Variants in SRGAP3 observed in about 807,000 individuals in gnomAD.
The protein encoded by SRGAP3 is SLIT-ROBO Rho GTPase-activating protein 3.
Under a neutral mutation model 121.1 loss-of-function variants are expected in SRGAP3, and 39 were observed. The ratio of observed to expected loss-of-function variants is 0.32; its 90% CI spans 0.25 to 0.42. The LOEUF is 0.42. SRGAP3 is among the 10% of genes least tolerant of loss of function. The pLI, the probability that SRGAP3 is intolerant of heterozygous loss-of-function variation, is 1.00. For missense variants in SRGAP3, 1,213 were observed against 1,470.6 expected, an observed-to-expected ratio of 0.82 and a Z score of 2.86; for synonymous variants, 601 against 570.0, an observed-to-expected ratio of 1.05 and a Z score of -0.77.
At chr3:9,002,544 T>A (rs1942830930) in intron 18 of SRGAP3, among the ~76,000 whole-genome samples, 2 of 151,780 alleles carry the variant, frequency 1.3e-5, no homozygotes, top group Admixed American at 1.3e-4. Flanking sequence ...GAAAAAAAAG[T>A]GCAAACTAAA....
chr3:9,118,187 T>C (rs942957430), intron 2 of SRGAP3, among the ~76,000 whole-genome samples: 1 of 152,084 alleles, frequency 6.6e-6, no homozygotes, highest in African/African-American at 2.4e-5. Flanking sequence ...TGTGGTCAAA[T>C]AGCTTTCAGA....
chr3:9,290,410 G>C (rs929695285), intron 3 of SRGAP3, among the ~76,000 whole-genome samples: 2 of 152,140 alleles, frequency 1.3e-5, no homozygotes, highest in Non-Finnish European at 2.9e-5. Context: ...ACAGGTGTGT[G>C]GGGGGACAGC....
chr3:9,080,232 C>T (rs886700500), intron 3 of SRGAP3, 145 bp from the exon 4 acceptor site: 8 of 741,084 alleles, frequency 1.1e-5, no homozygotes, highest in Non-Finnish European at 1.8e-5. Flanking sequence ...TGATCTACAA[C>T]AACATAAATT....
At chr3:9,062,411 TTTTATTTTTA>T (rs1946219923) in intron 5 of SRGAP3, among the ~76,000 whole-genome samples, 1 of 152,152 alleles carries the variant, frequency 6.6e-6, no homozygotes, top group Non-Finnish European at 1.5e-5. Context: ...GGTTATTTTA[TTTTATTTTTA>T]TTTATTTTTA....
chr3:9,019,467 C>G (rs895045776), intron 14 of SRGAP3, among the ~76,000 whole-genome samples: 1 of 152,220 alleles, frequency 6.6e-6, no homozygotes, highest in African/African-American at 2.4e-5. Context: ...GGCAGGTTCA[C>G]CACTGTGAAT....
At chr3:9,054,867 C>A (rs1945745780) in intron 8 of SRGAP3, among the ~76,000 whole-genome samples, 1 of 152,298 alleles carries the variant, frequency 6.6e-6, no homozygotes, top group South Asian at 2.1e-4. Flanking sequence ...TGAATGAATA[C>A]ACAAATCAAT....
At chr3:9,162,211 G>A (rs745886564) in intron 1 of SRGAP3, among the ~76,000 whole-genome samples, 17 of 152,162 alleles carry the variant, frequency 1.1e-4, no homozygotes, top group Non-Finnish European at 1.9e-4. Flanking sequence ...TCTGGAGATG[G>A]ATGTAGGTGA....
In SRGAP3 at chr3:9,032,655, T is replaced by C; in HGVS notation, c.1534A>G (p.Ile512Val). 1.2e-6 allele frequency: 2 copies of C among 1,613,548 alleles called. No individual in the cohort carries two copies. Among genetic ancestry groups the C allele is most frequent in the Non-Finnish European group, 8.5e-7 (1 of 1,179,750 alleles). Residue 512 changes from isoleucine to valine, a missense_variant, in exon 12 of 22, where the codon ATT becomes GTT. Transcript: ENST00000383836. Reference sequence around the variant, plus strand: ...CACGGCTCCCCAGCAAGTACCTTAATGAATGCTTCCATACTGCCGTTAAAG... The same window carrying C: ...CACGGCTCCCCAGCAAGTACCTTAACGAATGCTTCCATACTGCCGTTAAAG... ...KLFNGSMEAF[I>V]KDSGQAIPLV...
At position 9,064,401 on chromosome 3, in the gene SRGAP3, C is replaced by T. The variant is rs965837540; in HGVS notation, c.667G>A (p.Glu223Lys). The change falls in exon 5 of 22, where the codon GAG becomes AAG. Residue 223 changes from glutamate (E) to lysine (K), a missense_variant. By Grantham distance (56) the Glu-to-Lys change is moderately conservative (BLOSUM62 1). Transcript: ENST00000383836. ...SSVKKIEKMK[E>K]KRQAKYSENK... ...AGCCCAGGGCCCCCACTCACCTTCTCCTTCATCTTCTCAATCTTCTTCACA... is the reference window on the plus strand; with the variant it reads ...AGCCCAGGGCCCCCACTCACCTTCTTCTTCATCTTCTCAATCTTCTTCACA... 6.2e-7 allele frequency: 1 copy of T among 1,614,064 alleles called. No individual in the cohort carries two copies. Among genetic ancestry groups the T allele is most frequent in the African/African-American group, 1.3e-5 (1 of 74,918 alleles).
At chr3:9,009,604 G>A (rs887934785) in intron 18 of SRGAP3, among the ~76,000 whole-genome samples, 3 of 152,104 alleles carry the variant, frequency 2.0e-5, no homozygotes, top group South Asian at 2.1e-4. Flanking sequence ...TACTCTGCCT[G>A]ACGGATAAGT....
At chr3:9,002,153 T>C (rs911786697) in intron 18 of SRGAP3, among the ~76,000 whole-genome samples, 5 of 152,204 alleles carry the variant, frequency 3.3e-5, no homozygotes, top group African/African-American at 1.2e-4. Context: ...GTATGCCCTA[T>C]GCTAGTCCAT....
chr3:9,229,883 G>A (rs150125997), intron 1 of SRGAP3, among the ~76,000 whole-genome samples: 16 of 152,252 alleles, frequency 1.1e-4, no homozygotes, highest in Admixed American at 4.6e-4. Context: ...CACAGGATTC[G>A]CTGTTTCTCT....
At chr3:9,116,406 G>A (rs1436061943) in intron 2 of SRGAP3, among the ~76,000 whole-genome samples, 1 of 152,232 alleles carries the variant, frequency 6.6e-6, no homozygotes, top group Non-Finnish European at 1.5e-5. Context: ...ACCAGAGAGA[G>A]GGAGACTAGA....
chr3:9,170,621 T>C (rs1312474891), intron 1 of SRGAP3, among the ~76,000 whole-genome samples: 3 of 152,082 alleles, frequency 2.0e-5, no homozygotes, highest in Non-Finnish European at 4.4e-5. Context: ...TGGTTCTGAT[T>C]GTGAATGATG....
At chr3:9,035,987 G>C (rs1013023429) in intron 11 of SRGAP3, 9 of 152,238 alleles carry the variant, frequency 5.9e-5, no homozygotes, top group African/African-American at 2.2e-4. Context: ...AGGGGAGCCA[G>C]ACATTCATTT....
chr3:9,046,111 C>A (rs1288070040), intron 10 of SRGAP3, among the ~76,000 whole-genome samples: 1 of 151,714 alleles, frequency 6.6e-6, no homozygotes, highest in African/African-American at 2.4e-5. Flanking sequence ...GAGTCTTCCC[C>A]CCTCCTACCC....
intron 10 of SRGAP3, among the ~76,000 whole-genome samples, chr3:9,042,834 C>T (rs1036837134): frequency 1.3e-5 from 2 of 152,182 alleles, no homozygotes; most frequent in East Asian, 1.9e-4. Context: ...GTTCCCCCTC[C>T]TCTGGGTTCC....
At chr3:9,210,129 G>T (rs184194572) in intron 1 of SRGAP3, among the ~76,000 whole-genome samples, 9 of 152,278 alleles carry the variant, frequency 5.9e-5, no homozygotes, top group Non-Finnish European at 1.0e-4. Flanking sequence ...AAAATAGACT[G>T]TGGTTGCCTA....
intron 1 of SRGAP3, among the ~76,000 whole-genome samples, chr3:9,351,772 G>C (rs1294608744): frequency 6.6e-6 from 1 of 152,106 alleles, no homozygotes. Flanking sequence ...AGGAGCAACA[G>C]GCTGTATCAA....
Sources: gnomAD v4.1 joint callset for allele counts (sites outside exome capture counted in the v4.1 genomes callset) on GRCh38, gnomAD v4.1.1 for gene constraint, MANE v1.5 for transcripts, NCBI Gene and HGNC (gene_info 2026-07-23, HGNC 2026-07-21) for gene names.